Variants in USP8 observed in about 807,000 individuals in gnomAD.
USP8 encodes the protein ubiquitin specific peptidase 8, also known as ubiquitin carboxyl-terminal hydrolase 8.
USP8 carries 27 observed loss-of-function variants against 130.0 expected under a neutral mutation model. The ratio of observed to expected loss-of-function variants is 0.21; its 90% CI spans 0.15 to 0.29. USP8 has a LOEUF of 0.29. Ranked by LOEUF, USP8 falls within the 10% of genes least tolerant of loss-of-function variation. The probability of loss-of-function intolerance (pLI) is 1.00; values close to 1 mark genes in which losing one functional copy is unlikely to be tolerated. For synonymous variants in USP8, 392 were observed against 444.1 expected (o/e 0.88, Z 1.48); for missense variants, 1,029 against 1,312.2 (o/e 0.78, Z 3.33).
Position 50,441,375 on chromosome 15 carries a change from T to C in USP8, c.131T>C (p.Phe44Ser). The C allele has an allele frequency of 6.2e-7, 1 of 1,603,378 alleles. No individual in the cohort carries two copies. The highest frequency in any genetic ancestry group is 8.5e-7 in the Non-Finnish European group (1 of 1,177,800). Residue 44 changes from phenylalanine to serine, a missense_variant, in exon 3 of 20, where the codon TTT (phenylalanine) becomes TCT (serine). Physicochemically the swap from Phe to Ser is radical, Grantham distance 155. Coordinates refer to ENST00000307179, the MANE Select transcript of USP8 (RefSeq NM_005154.5). ...KSYVHSALKI[F>S]KTAEECRLDR... Reference sequence around the variant, plus strand: ...TATGTGCACAGTGCCCTGAAGATCTTTAAGACAGCAGAAGAATGCAGATTA... The same window carrying C: ...TATGTGCACAGTGCCCTGAAGATCTCTAAGACAGCAGAAGAATGCAGATTA...
At chr15:50,463,488 A>G (rs1216448711) in intron 6 of USP8, 1 of 152,258 alleles carries the variant, frequency 6.6e-6, no homozygotes, top group Non-Finnish European at 1.5e-5. Context: ...AATTATAGGT[A>G]ACAGTAAAAT....
At chr15:50,432,671 A>G (rs2049968721) in intron 1 of USP8, among the ~76,000 whole-genome samples, 1 of 152,212 alleles carries the variant, frequency 6.6e-6, no homozygotes, top group Non-Finnish European at 1.5e-5. Context: ...TAAGAAATAC[A>G]TTTTACATTT....
At chr15:50,437,413 A>C (rs1179813513) in intron 1 of USP8, among the ~76,000 whole-genome samples, 1 of 152,164 alleles carries the variant, frequency 6.6e-6, no homozygotes, top group African/African-American at 2.4e-5. Context: ...TTTGATTTTT[A>C]AACTTTATAT....
In USP8 at chr15:50,439,122, C is replaced by A; in HGVS notation, c.49C>A (p.Leu17Ile). ...VPKELYLSSS[L>I]KDLNKKTEVK... Reference sequence around the variant, plus strand: ...TAAAGAACTCTACCTCAGTTCTTCACTAAAAGACCTTAATAAGAAGACAGA... The same window carrying A: ...TAAAGAACTCTACCTCAGTTCTTCAATAAAAGACCTTAATAAGAAGACAGA... Residue 17 changes from leucine (L) to isoleucine (I), a missense_variant, in exon 2 of 20, where the codon CTA becomes ATA. This residue lies in a region of USP8 where 281 missense variants were observed against 336.7 expected (regional missense o/e 0.83). Coordinates refer to ENST00000307179, the MANE Select transcript of USP8 (RefSeq NM_005154.5). 6.3e-7 allele frequency: 1 copy of A among 1,595,290 alleles called. No homozygotes were observed. Among genetic ancestry groups the A allele is most frequent in the East Asian group, 2.3e-5 (1 of 43,936 alleles).
chr15:50,461,023 G>A (rs990840462), intron 5 of USP8, among the ~76,000 whole-genome samples: 4 of 151,104 alleles, frequency 2.6e-5, no homozygotes, highest in South Asian at 2.1e-4. Flanking sequence ...ATGCAGTTTC[G>A]CTTTTGTTGC....
intron 7 of USP8, chr15:50,466,936 G>A: frequency 2.3e-6 from 1 of 428,492 alleles, no homozygotes; most frequent in South Asian, 2.2e-5. Context: ...ATCGCTACAA[G>A]AAAAACTCCT....
chr15:50,448,097 A>G (rs1162774351), intron 3 of USP8, among the ~76,000 whole-genome samples: 1 of 152,174 alleles, frequency 6.6e-6, no homozygotes, highest in Non-Finnish European at 1.5e-5. Flanking sequence ...TATTTGTATC[A>G]TCAGTAATCT....
chr15:50,459,181 G>A lies in USP8; in HGVS notation c.498+19G>A, dbSNP rs1380787634. On this transcript the variant is annotated intron_variant, in intron 5 of 19. Coordinates refer to ENST00000307179, the MANE Select transcript of USP8 (RefSeq NM_005154.5). The stretch of plus-strand genomic sequence containing the variant: ...CCAAAAGGTATTTCAAATTTAATGT[G>A]TGAGTTAAAAGACTGTTTCTGCTTG... 1.3e-6 allele frequency: 2 copies of A among 1,595,768 alleles called. No homozygotes were observed. The highest frequency in any genetic ancestry group is 1.7e-6 in the Non-Finnish European group (2 of 1,173,962).
At chr15:50,467,910 T>G (rs2051243850) in intron 7 of USP8, among the ~76,000 whole-genome samples, 2 of 151,504 alleles carry the variant, frequency 1.3e-5, no homozygotes, top group Admixed American at 1.3e-4. Flanking sequence ...TTTTAATTTT[T>G]TAAATTTTAA....
At chr15:50,476,337 G>A (rs2051566963) in intron 8 of USP8, among the ~76,000 whole-genome samples, 1 of 152,166 alleles carries the variant, frequency 6.6e-6, no homozygotes, top group African/African-American at 2.4e-5. Context: ...GGCTGAGGTG[G>A]GAGGATCAAT....
chr15:50,491,064 C>G (rs1348688393), intron 14 of USP8, among the ~76,000 whole-genome samples: 2 of 152,110 alleles, frequency 1.3e-5, no homozygotes, highest in Non-Finnish European at 2.9e-5. Flanking sequence ...GGTTAGGTTT[C>G]CCAAAATAGT....
intron 7 of USP8, 69 bp from the exon 8 acceptor site, chr15:50,471,564 G>A (rs2051377667): frequency 3.3e-6 from 5 of 1,533,190 alleles, no homozygotes; most frequent in Middle Eastern, 2.4e-4. Context: ...ACAAAACTGA[G>A]TGTCTTCTGT....
chr15:50,487,476 C>G (rs2052007299), intron 12 of USP8, among the ~76,000 whole-genome samples: 1 of 152,070 alleles, frequency 6.6e-6, no homozygotes, highest in African/African-American at 2.4e-5. Flanking sequence ...AAAGTGAAGA[C>G]TAAAAAATAG....
rs149186552 is a variant in USP8 at position 50,483,663 on chromosome 15, G to A, written c.1804-612G>A. Reference sequence around the variant, plus strand: ...TAAAAAATTAGCCAGGTGTGGTGGCGGGCGCCTGTAGTCCCAGCTGCTTGG... The same window carrying A: ...TAAAAAATTAGCCAGGTGTGGTGGCAGGCGCCTGTAGTCCCAGCTGCTTGG... On this transcript the variant is annotated intron_variant, in intron 11 of 19. Coordinates refer to ENST00000307179, the MANE Select transcript of USP8 (RefSeq NM_005154.5). 9.2e-3 allele frequency among the ~76,000 whole-genome samples: 1,404 copies of A among 151,986 alleles called. 22 individuals carry two copies. Among genetic ancestry groups the A allele is most frequent in the African/African-American group, 0.031 (1,287 of 41,472 alleles).
At chr15:50,465,613 A>G (rs1171579502) in intron 7 of USP8, among the ~76,000 whole-genome samples, 2 of 152,196 alleles carry the variant, frequency 1.3e-5, no homozygotes, top group African/African-American at 4.8e-5. Context: ...CTCTCCCCAG[A>G]TGTTTGTTAA....
At chr15:50,458,220 C>T (rs1052516781) in intron 4 of USP8, among the ~76,000 whole-genome samples, 2 of 152,142 alleles carry the variant, frequency 1.3e-5, no homozygotes, top group South Asian at 2.1e-4. Context: ...CACGTGATCT[C>T]GGCTCACTGC....
At chr15:50,442,264 G>A (rs965995396) in intron 3 of USP8, among the ~76,000 whole-genome samples, 4 of 152,082 alleles carry the variant, frequency 2.6e-5, no homozygotes, top group Admixed American at 1.3e-4. Context: ...ATAAGCCTCT[G>A]CATCCAGCCC....
At chr15:50,484,153 A>G in intron 11 of USP8, 122 bp from the exon 12 acceptor site, 3 of 657,352 alleles carry the variant, frequency 4.6e-6, no homozygotes, top group Non-Finnish European at 7.3e-6. Context: ...AAATTTTCAG[A>G]GGCCTTTTTT....
At position 50,494,129 on chromosome 15, in the gene USP8, C is replaced by T; in HGVS notation, c.2507C>T (p.Ala836Val). 6.2e-7 allele frequency: 1 copy of T among 1,611,766 alleles called. No individual in the cohort carries two copies. ...GAAGAATTTGGTATAATCATGAAAG[C>T]CCTGTGGACAGGACAGTATAGATAT... Reference protein sequence around the residue: ...VAEEFGIIMKALWTGQYRYIS... With the variant: ...VAEEFGIIMKVLWTGQYRYIS... The change falls in exon 16 of 20, where the codon GCC becomes GTC. Residue 836 changes from alanine to valine, a missense_variant. Physicochemically the swap from Ala to Val is moderately conservative, Grantham distance 64 (BLOSUM62 0). Around this residue, in one of 4 missense-constraint regions of USP8, gnomAD observed 257 missense variants for 429.8 expected, o/e 0.60. Coordinates refer to ENST00000307179, the MANE Select transcript of USP8 (RefSeq NM_005154.5).
Sources: allele counts gnomAD v4.1 joint callset (sites outside exome capture counted in the v4.1 genomes callset), GRCh38; gene constraint gnomAD v4.1.1; regional missense constraint gnomAD v4.1.1; transcripts MANE v1.5; gene names NCBI Gene and HGNC (gene_info 2026-07-23, HGNC 2026-07-21).